The following CDH18 variants were observed in gnomAD, a reference collection of about 807,000 sequenced individuals.
The protein encoded by CDH18 is cadherin-18.
A neutral mutation model predicts 67.9 loss-of-function variants in CDH18; 31 were observed. The observed-to-expected ratio is 0.46, with a 90% CI of 0.34 to 0.62. The LOEUF is 0.62. CDH18 is among the 20% of genes least tolerant of loss of function. The pLI is 0.01. For synonymous variants in CDH18, 362 were observed against 347.2 expected (o/e 1.04, Z -0.48); for missense variants, 890 against 975.5 (o/e 0.91, Z 1.17).
At chr5:20,315,828 T>C (rs1737412120) in intron 1 of CDH18, among the ~76,000 whole-genome samples, 1 of 152,164 alleles carries the variant, frequency 6.6e-6, no homozygotes, top group Non-Finnish European at 1.5e-5. Context: ...ACTTATCACT[T>C]ATGATTAAAC....
chr5:20,252,275 C>T (rs1009935054), intron 2 of CDH18, among the ~76,000 whole-genome samples: 7 of 151,834 alleles, frequency 4.6e-5, no homozygotes, highest in Admixed American at 2.0e-4. Context: ...TGCTTGAACC[C>T]AGGAGATGGA....
At chr5:19,622,812 AAG>A (rs1425891181) in intron 5 of CDH18, among the ~76,000 whole-genome samples, 2 of 152,110 alleles carry the variant, frequency 1.3e-5, no homozygotes, top group Non-Finnish European at 2.9e-5. Flanking sequence ...ACCTCCACAC[AAG>A]TTGATATGTC....
intron 2 of CDH18, among the ~76,000 whole-genome samples, chr5:20,252,161 G>T (rs2126600128): frequency 6.6e-6 from 1 of 152,090 alleles, no homozygotes; most frequent in Middle Eastern, 3.4e-3. Context: ...AGATCATCCT[G>T]GCCAACATGT....
rs569016253 is a variant in CDH18, at chr5:20,126,701, T to C, written c.-518+128743A>G. Among the ~76,000 whole-genome samples, 3 of 152,184 alleles carry C rather than the reference T, an allele frequency of 2.0e-5. No homozygotes were observed. In the South Asian group the frequency reaches 6.2e-4, roughly 32 times the overall value. On this transcript the variant is annotated intron_variant, in intron 2 of 14. Transcript: ENST00000507958. ...AGAAAGCATACAAATGACCAATAAG[T>C]ATATTAAAAAGATGATTTAACATCA...
chr5:20,528,794 A>G (rs1200179889), intron 1 of CDH18, among the ~76,000 whole-genome samples: 1 of 152,098 alleles, frequency 6.6e-6, no homozygotes, highest in Non-Finnish European at 1.5e-5. Context: ...AAAAGCTGGA[A>G]AGATCTCAAA....
At chr5:19,677,985 T>C (rs748270176) in intron 5 of CDH18, among the ~76,000 whole-genome samples, 4 of 151,752 alleles carry the variant, frequency 2.6e-5, no homozygotes, top group African/African-American at 4.8e-5. Flanking sequence ...AGAACCAAGA[T>C]TCATAAAGAA....
chr5:19,775,600 T>C (rs1249375628), intron 3 of CDH18, among the ~76,000 whole-genome samples: 1 of 152,046 alleles, frequency 6.6e-6, no homozygotes, highest in Non-Finnish European at 1.5e-5. Context: ...TCACTATCAG[T>C]AAAACAGCAC....
chr5:19,641,142 C>CA (rs3062887), intron 5 of CDH18, among the ~76,000 whole-genome samples: 9,301 of 112,218 alleles, frequency 0.083, 646 homozygotes, highest in African/African-American at 0.24. Context: ...CTAAATTTTT[C>CA]AAAAAAAAAA....
chr5:19,965,532 A>G (rs897333564), intron 2 of CDH18, among the ~76,000 whole-genome samples: 1 of 152,230 alleles, frequency 6.6e-6, no homozygotes, highest in African/African-American at 2.4e-5. Flanking sequence ...TAATTTGTAG[A>G]TTTAATAAAT....
chr5:20,071,689 T>C (rs1200405696), intron 2 of CDH18, among the ~76,000 whole-genome samples: 1 of 152,110 alleles, frequency 6.6e-6, no homozygotes, highest in Non-Finnish European at 1.5e-5. Context: ...GAATAAAATA[T>C]CCTACTTTAT....
intron 2 of CDH18, among the ~76,000 whole-genome samples, chr5:20,202,783 G>A (rs140360442): frequency 0.011 from 1,688 of 150,956 alleles, 31 homozygotes; most frequent in African/African-American, 0.039. Flanking sequence ...ACATATTTTT[G>A]TCTGATCTAT....
intron 1 of CDH18, among the ~76,000 whole-genome samples, chr5:20,271,531 T>G (rs1004142493): frequency 1.3e-5 from 2 of 152,026 alleles, no homozygotes; most frequent in Non-Finnish European, 2.9e-5. Flanking sequence ...AACATCACAA[T>G]TTACCCCAGA....
At chr5:19,514,886 A>T (rs1745718337) in intron 10 of CDH18, among the ~76,000 whole-genome samples, 1 of 152,070 alleles carries the variant, frequency 6.6e-6, no homozygotes, top group Non-Finnish European at 1.5e-5. Flanking sequence ...TTTTGTTGCC[A>T]TTGCTTTTGG....
At chr5:20,318,798 T>G (rs983009145) in intron 1 of CDH18, among the ~76,000 whole-genome samples, 2 of 152,208 alleles carry the variant, frequency 1.3e-5, no homozygotes, top group African/African-American at 4.8e-5. Flanking sequence ...AGGGTACATA[T>G]GCACAATGTG....
chr5:20,530,706 C>G (rs1756347719), intron 1 of CDH18, among the ~76,000 whole-genome samples: 1 of 152,018 alleles, frequency 6.6e-6, no homozygotes, highest in Non-Finnish European at 1.5e-5. Flanking sequence ...GAAACTGTTC[C>G]CCTTCTTTAC....
chr5:19,937,008 A>T (rs1794349517), intron 2 of CDH18, among the ~76,000 whole-genome samples: 1 of 151,308 alleles, frequency 6.6e-6, no homozygotes, highest in Admixed American at 6.6e-5. Flanking sequence ...CTTTTCAAGT[A>T]TTTATGTACA....
intron 5 of CDH18, among the ~76,000 whole-genome samples, chr5:19,687,689 G>A (rs1047615861): frequency 2.0e-5 from 3 of 152,164 alleles, no homozygotes; most frequent in Non-Finnish European, 4.4e-5. Context: ...CACTGCTGCA[G>A]CCACTGCCGC....
At chr5:20,023,937 G>A (rs1738664819) in intron 2 of CDH18, among the ~76,000 whole-genome samples, 2 of 152,130 alleles carry the variant, frequency 1.3e-5, no homozygotes, top group African/African-American at 2.4e-5. Flanking sequence ...TTGGTGTACT[G>A]ATTAGAGAAA....
chr5:19,885,333 TC>T (rs1462413991), intron 2 of CDH18, among the ~76,000 whole-genome samples: 1 of 152,262 alleles, frequency 6.6e-6, no homozygotes, highest in Non-Finnish European at 1.5e-5. Flanking sequence ...TTAAATGCTG[TC>T]AAGAGTACTA....
Sources: gnomAD v4.1 joint callset for allele counts (sites outside exome capture counted in the v4.1 genomes callset) on GRCh38, gnomAD v4.1.1 for gene constraint, MANE v1.5 for transcripts, NCBI Gene and HGNC (gene_info 2026-07-23, HGNC 2026-07-21) for gene names.